MYH7B: variants seen among roughly 807,000 people sequenced by gnomAD.
MYH7B encodes myosin heavy chain 7B, also known as myosin-7B.
Under a neutral mutation model 234.5 loss-of-function variants are expected in MYH7B, and 205 were observed. That is an observed-to-expected ratio of 0.87 (90% CI 0.78 to 0.98). The LOEUF (loss-of-function observed/expected upper bound fraction) is 0.98. MYH7B is among the 50% of genes least tolerant of loss of function. The probability of loss-of-function intolerance (pLI) is 0.00; values close to 1 mark genes in which losing one functional copy is unlikely to be tolerated. For synonymous variants in MYH7B, 1,193 were observed against 1,105.0 expected, an observed-to-expected ratio of 1.08 and a Z score of -1.58; for missense variants, 2,652 against 2,633.4, an observed-to-expected ratio of 1.01 and a Z score of -0.15.
chr20:35,000,485 G>T (rs765008730), exon 39 of MYH7B: 2 of 1,600,916 alleles, frequency 1.2e-6, no homozygotes, highest in Admixed American at 1.7e-5. Context: ...CACAGCTCAA[G>T]GAGGAGCAGG....
At chr20:34,969,282 G>A (rs540953562) in intron 2 of MYH7B, among the ~76,000 whole-genome samples, 6 of 152,276 alleles carry the variant, frequency 3.9e-5, no homozygotes, top group African/African-American at 1.4e-4. Flanking sequence ...CAAGGATCAT[G>A]CTGGAAGTGA....
At chr20:34,974,256 A>G (rs1436324233) in intron 2 of MYH7B, among the ~76,000 whole-genome samples, 43 of 143,524 alleles carry the variant, frequency 3.0e-4, no homozygotes, top group Admixed American at 2.8e-3. Context: ...TTTAAGTAGA[A>G]ACGGGGTTTC....
At position 35,000,288 on chromosome 20, in the gene MYH7B, C is replaced by T; in HGVS notation, c.4782-5C>T. ...ACCCCCTTTCATGCCACCCTCCTCC[C>T]ATAGGCGCAACCACCAGCGAGCTGT... On this transcript the variant is annotated splice_polypyrimidine_tract_variant and splice_region_variant and intron_variant, in intron 38 of 44. Transcript: ENST00000262873. 1 of 1,566,476 alleles carries T rather than the reference C, an allele frequency of 6.4e-7. No homozygotes were observed. Among genetic ancestry groups the T allele is most frequent in the Non-Finnish European group, 8.6e-7 (1 of 1,163,442 alleles).
chr20:34,984,650 C>G, intron 10 of MYH7B, 42 bp from the exon 11 acceptor site: 1 of 1,594,084 alleles, frequency 6.3e-7, no homozygotes, highest in South Asian at 1.1e-5. Flanking sequence ...CCTTCCCCAC[C>G]GGAGGCCTGG....
At chr20:34,988,235 G>C in exon 19 of MYH7B, 1 of 1,614,010 alleles carries the variant, frequency 6.2e-7, no homozygotes, top group Non-Finnish European at 8.5e-7. Context: ...GCCTTGACCT[G>C]CAGCCTTGCA....
intron 5 of MYH7B, among the ~76,000 whole-genome samples, chr20:34,978,796 A>G (rs765413796): frequency 1.1e-4 from 17 of 152,140 alleles, no homozygotes; most frequent in Admixed American, 4.6e-4. Context: ...GGTTATGTAG[A>G]TGGTCCTAGA....
At chr20:34,958,991 A>G (rs1330886530) in intron 2 of MYH7B, among the ~76,000 whole-genome samples, 1 of 152,218 alleles carries the variant, frequency 6.6e-6, no homozygotes, top group Admixed American at 6.5e-5. Flanking sequence ...CCAACATTTA[A>G]TGAAAGCTGA....
intron 3 of MYH7B, 127 bp downstream of exon 3, chr20:34,975,626 C>T (rs1289899629): frequency 1.5e-5 from 9 of 612,120 alleles, no homozygotes; most frequent in Non-Finnish European, 2.7e-5. Context: ...CGAGAGGGGA[C>T]CCGCGTCATT....
intron 2 of MYH7B, among the ~76,000 whole-genome samples, chr20:34,963,286 G>A (rs2081714905): frequency 6.6e-6 from 1 of 152,230 alleles, no homozygotes; most frequent in South Asian, 2.1e-4. Context: ...TTGTCTGATT[G>A]TGGCCATCCT....
chr20:34,998,386 C>G, exon 33 of MYH7B: 1 of 1,613,612 alleles, frequency 6.2e-7, no homozygotes, highest in South Asian at 1.1e-5. Flanking sequence ...CTGGCGGACG[C>G]AAGCACGCAG....
rs988788904 is a variant in MYH7B, at chr20:35,001,470, C to A, written c.5620C>A (p.Leu1874Met). 3 of 1,610,016 alleles carry A rather than the reference C, an allele frequency of 1.9e-6. No homozygotes were observed. The highest frequency in any genetic ancestry group is 1.7e-5 in the Admixed American group (1 of 59,292). ...GAAGAACCTGGCTCGCATGCAGGAC[C>A]TGGTGGACAAGCTGCAGAGCAAGGT... The change falls in exon 43 of 45, where the codon CTG becomes ATG. Residue 1874 changes from leucine to methionine, a missense_variant. Physicochemically the swap from Leu to Met is conservative, Grantham distance 15. Around this residue, in one of 3 missense-constraint regions of MYH7B, gnomAD observed 2,279 missense variants for 2,211.4 expected, o/e 1.03. Transcript: ENST00000262873.
At chr20:34,964,511 C>A (rs1291250931) in intron 2 of MYH7B, among the ~76,000 whole-genome samples, 1 of 152,136 alleles carries the variant, frequency 6.6e-6, no homozygotes, top group East Asian at 1.9e-4. Flanking sequence ...ACGGTTGTCA[C>A]CTTGAAACTA....
chr20:34,990,769 G>A (rs769215876), exon 23 of MYH7B: 13 of 1,613,990 alleles, frequency 8.1e-6, no homozygotes, highest in South Asian at 3.3e-5. Context: ...ACCAACCTGC[G>A]GGCCACACAG....
In MYH7B at chr20:34,997,517, G is replaced by A. The variant is rs367623754; in HGVS notation, c.3624G>A (p.Ala1208=). The A allele has an allele frequency of 2.6e-5, 41 of 1,600,650 alleles. No individual in the cohort carries two copies. The highest frequency in any genetic ancestry group is 1.1e-4 in the East Asian group (5 of 43,900). Residue 1208 remains alanine, a synonymous_variant, in exon 32 of 45, where the codon GCG becomes GCA. Coordinates refer to ENST00000262873, the Ensembl canonical transcript of MYH7B. ...GGCGCAAGCAGGCGGAGGGCGCGGC[G>A]GAGCTGGGGGAGCAGGTGGACAGCC...
chr20:34,992,873 C>CTTG (rs2147217002), intron 24 of MYH7B, among the ~76,000 whole-genome samples: 1 of 152,242 alleles, frequency 6.6e-6, no homozygotes, highest in Non-Finnish European at 1.5e-5. Flanking sequence ...CCCAGCCAAC[C>CTTG]CCCCAGGGAT....
At chr20:34,960,741 A>G (rs1014926209) in intron 2 of MYH7B, among the ~76,000 whole-genome samples, 1 of 152,238 alleles carries the variant, frequency 6.6e-6, no homozygotes, top group African/African-American at 2.4e-5. Context: ...TCCAGCCCCT[A>G]GCACAGGCCT....
chr20:34,956,551 T>C (rs1008329916), intron 1 of MYH7B, among the ~76,000 whole-genome samples: 33 of 139,900 alleles, frequency 2.4e-4, no homozygotes, highest in Admixed American at 2.2e-3. Context: ...AAATGGAATG[T>C]ATCAGTCCAG....
chr20:34,987,468 T>A (rs1316887586), intron 16 of MYH7B, 89 bp from the exon 17 acceptor site: 1 of 1,415,534 alleles, frequency 7.1e-7, no homozygotes, highest in African/African-American at 1.4e-5. Flanking sequence ...CCCTCTTAAC[T>A]TCCCTCTCCT....
exon 36 of MYH7B, chr20:34,999,057 A>G (rs1489892735): frequency 6.2e-7 from 1 of 1,607,180 alleles, no homozygotes; most frequent in East Asian, 2.2e-5. Context: ...ATGGCCTAGA[A>G]AAAAGCTGGC....
Sources: gnomAD v4.1 joint callset for allele counts (sites outside exome capture counted in the v4.1 genomes callset) on GRCh38, gnomAD v4.1.1 for gene constraint, gnomAD v4.1.1 regional missense constraint, MANE v1.5 for transcripts, NCBI Gene and HGNC (gene_info 2026-07-23, HGNC 2026-07-21) for gene names.